The following PNKD variants were observed in gnomAD, a reference collection of about 807,000 sequenced individuals.
PNKD encodes PNKD metallo-beta-lactamase domain containing, also known as probable thioesterase PNKD.
Under a neutral mutation model 45.3 loss-of-function variants are expected in PNKD, and 36 were observed. The observed-to-expected ratio is 0.80, with a 90% CI of 0.61 to 1.05. PNKD has a LOEUF of 1.05. Ranked by LOEUF, PNKD falls within the 50% of genes least tolerant of loss-of-function variation. The pLI is 0.00. For synonymous variants in PNKD, 197 were observed against 210.1 expected (o/e 0.94, Z 0.54); for missense variants, 511 against 506.6 (o/e 1.01, Z -0.08).
chr2:218,277,441 G>A, intron 2 of PNKD: 1 of 1,614,134 alleles, frequency 6.2e-7, no homozygotes, highest in Middle Eastern at 1.7e-4. Context: ...TGACGGCTTT[G>A]GTTTGGTACA....
At chr2:218,274,912 T>C (rs1334040348) in intron 2 of PNKD, 2 of 153,190 alleles carry the variant, frequency 1.3e-5, no homozygotes, top group South Asian at 2.1e-4. Context: ...CAAGAAGGGA[T>C]TGAAGCAAGG....
intron 2 of PNKD, among the ~76,000 whole-genome samples, chr2:218,330,067 G>T (rs1238954944): frequency 6.6e-6 from 1 of 152,234 alleles, no homozygotes; most frequent in Non-Finnish European, 1.5e-5. Context: ...TCCCAGTGGA[G>T]TCTGGGGCCT....
chr2:218,316,362 C>T (rs1238452439), intron 2 of PNKD, among the ~76,000 whole-genome samples: 1 of 149,794 alleles, frequency 6.7e-6, no homozygotes, highest in African/African-American at 2.4e-5. Context: ...CTCCACCTCC[C>T]AGGTTCAAGT....
At chr2:218,282,007 A>G in intron 2 of PNKD, 1 of 1,607,826 alleles carries the variant, frequency 6.2e-7, no homozygotes, top group African/African-American at 1.3e-5. Context: ...GACCGTAGCC[A>G]GGCTGCGGGT....
At chr2:218,284,711 T>A (rs1325779454) in intron 2 of PNKD, among the ~76,000 whole-genome samples, 4 of 152,246 alleles carry the variant, frequency 2.6e-5, no homozygotes, top group Admixed American at 2.6e-4. Context: ...TTCAACTCAC[T>A]ATGCCTCAGT....
At position 218,278,459 on chromosome 2, in the gene PNKD, G is replaced by A. The variant is rs1172197868; in HGVS notation, c.236+6910G>A. The A allele has an allele frequency of 3.0e-5, 46 of 1,547,374 alleles. 1 individual carries two copies. The highest frequency in any genetic ancestry group is 2.6e-4 in the South Asian group (23 of 89,428). ...AGGAATCCTTCTTTCCAAAATACTC[G>A]GCCCCCATCCCAATCCCTGTCACCC... On this transcript the variant is annotated intron_variant, in intron 2 of 9. Coordinates refer to ENST00000273077, the MANE Select transcript of PNKD (RefSeq NM_015488.5).
intron 2 of PNKD, among the ~76,000 whole-genome samples, chr2:218,331,692 T>C (rs1694325655): frequency 6.6e-6 from 1 of 152,144 alleles, no homozygotes; most frequent in Non-Finnish European, 1.5e-5. Context: ...GGTCTCCAAC[T>C]CCTGACCTCA....
intron 2 of PNKD, among the ~76,000 whole-genome samples, chr2:218,297,660 G>C (rs1370668224): frequency 4.2e-5 from 6 of 144,284 alleles, no homozygotes; most frequent in Non-Finnish European, 9.0e-5. Flanking sequence ...TCTCCAGCCT[G>C]GGCAACAGAA....
intron 2 of PNKD, chr2:218,276,943 T>C: frequency 7.1e-7 from 1 of 1,416,870 alleles, no homozygotes; most frequent in South Asian, 1.2e-5. Flanking sequence ...GAGACCATGC[T>C]ATATAGGAAG....
chr2:218,275,637 A>C, intron 2 of PNKD: 1 of 1,603,362 alleles, frequency 6.2e-7, no homozygotes, highest in South Asian at 1.1e-5. Context: ...AGGATAGGGA[A>C]GCCAGAAGTG....
chr2:218,298,237 T>C (rs1352484706), intron 2 of PNKD, among the ~76,000 whole-genome samples: 1 of 152,156 alleles, frequency 6.6e-6, no homozygotes, highest in Non-Finnish European at 1.5e-5. Context: ...CTTTCCATTC[T>C]TCCCTGACCC....
At chr2:218,328,837 G>A (rs888685893) in intron 2 of PNKD, among the ~76,000 whole-genome samples, 3 of 152,042 alleles carry the variant, frequency 2.0e-5, no homozygotes, top group Non-Finnish European at 4.4e-5. Flanking sequence ...TTCCCTCTTC[G>A]AGCTTCCCGT....
intron 2 of PNKD, among the ~76,000 whole-genome samples, chr2:218,297,966 C>G (rs184627165): frequency 6.7e-6 from 1 of 149,720 alleles, no homozygotes; most frequent in Non-Finnish European, 1.5e-5. Context: ...CCACTGCACT[C>G]CAGCCTGGGC....
chr2:218,273,261 TTGTTTTG>T (rs1690925664), intron 2 of PNKD, among the ~76,000 whole-genome samples: 2 of 144,834 alleles, frequency 1.4e-5, no homozygotes, highest in Admixed American at 1.3e-4. Context: ...GTTTCCTCAT[TTGTTTTG>T]TTTTTTGTTT....
At position 218,340,009 on chromosome 2, in the gene PNKD, C is replaced by T. The variant is rs1267612683; in HGVS notation, c.353-20C>T. The T allele has an allele frequency of 4.5e-6, 7 of 1,562,926 alleles. No individual in the cohort carries two copies. Among genetic ancestry groups the T allele is most frequent in the Non-Finnish European group, 5.3e-6 (6 of 1,133,304 alleles). On this transcript the variant is annotated intron_variant, in intron 3 of 9. Coordinates refer to ENST00000273077, the MANE Select transcript of PNKD (RefSeq NM_015488.5). The surrounding 1 kb of genome is among the most constrained non-coding windows in gnomAD (Gnocchi z 4.2). ...GGCTCCCTGCCTGTTACCCCGCCCACAGCCCATCTCTGTCCCCAGGAGTGA... is the reference window on the plus strand; with the variant it reads ...GGCTCCCTGCCTGTTACCCCGCCCATAGCCCATCTCTGTCCCCAGGAGTGA...
At chr2:218,310,288 T>C (rs955389315) in intron 2 of PNKD, among the ~76,000 whole-genome samples, 20 of 152,198 alleles carry the variant, frequency 1.3e-4, no homozygotes, top group Non-Finnish European at 2.6e-4. Flanking sequence ...AGTGGTGCAA[T>C]CATGGCTCAC....
intron 2 of PNKD, among the ~76,000 whole-genome samples, chr2:218,311,146 C>A (rs776238870): frequency 2.6e-5 from 4 of 152,142 alleles, no homozygotes; most frequent in Non-Finnish European, 4.4e-5. Flanking sequence ...ACAAGCAGAA[C>A]CTTCCTAGAA....
chr2:218,335,079 C>A (rs1302483712), intron 2 of PNKD, among the ~76,000 whole-genome samples: 1 of 151,828 alleles, frequency 6.6e-6, no homozygotes, highest in South Asian at 2.1e-4. Context: ...TGAACCCCAG[C>A]GTTTCAGGCT....
At chr2:218,275,924 C>T in intron 2 of PNKD, 1 of 1,354,252 alleles carries the variant, frequency 7.4e-7, no homozygotes, top group Non-Finnish European at 1.0e-6. Flanking sequence ...CCTGCTATGG[C>T]CCCATTCCCT....
Sources: gnomAD v4.1 joint callset for allele counts (sites outside exome capture counted in the v4.1 genomes callset) on GRCh38, gnomAD v4.1.1 for gene constraint, Gnocchi (gnomAD v3.1) non-coding constraint, MANE v1.5 for transcripts, NCBI Gene and HGNC (gene_info 2026-07-23, HGNC 2026-07-21) for gene names.